Variants in BORCS5 observed in about 807,000 individuals in gnomAD.
The protein encoded by BORCS5 is BLOC-1 related complex subunit 5, also known as BLOC-1-related complex subunit 5.
In BORCS5, 17 loss-of-function variants were observed where a neutral mutation model predicts 22.1. The observed-to-expected ratio is 0.77, with a 90% CI of 0.53 to 1.15. The LOEUF is 1.15. BORCS5 is among the 50% of genes most tolerant of loss of function. The pLI is 0.00. For missense variants in BORCS5, 247 were observed against 253.2 expected (o/e 0.98, Z 0.17); for synonymous variants, 117 against 99.8 (o/e 1.17, Z -1.03).
chr12:12,400,256 T>A (rs1941437956), intron 2 of BORCS5, among the ~76,000 whole-genome samples: 1 of 152,244 alleles, frequency 6.6e-6, no homozygotes, highest in East Asian at 1.9e-4. Context: ...TATCACAGGC[T>A]ATTTCTCTGA....
chr12:12,379,667 G>GT (rs1863734659), intron 2 of BORCS5, among the ~76,000 whole-genome samples: 1 of 151,328 alleles, frequency 6.6e-6, no homozygotes, highest in Non-Finnish European at 1.5e-5. Flanking sequence ...AGACCCAGAA[G>GT]TAGAACCTCT....
intron 2 of BORCS5, among the ~76,000 whole-genome samples, chr12:12,400,803 T>C (rs77035739): frequency 0.022 from 3,392 of 152,334 alleles, 128 homozygotes; most frequent in African/African-American, 0.076. Flanking sequence ...GCATTCATCA[T>C]GCCCATGTGT....
chr12:12,424,880 G>A (rs963115279), intron 2 of BORCS5, among the ~76,000 whole-genome samples: 7 of 152,006 alleles, frequency 4.6e-5, no homozygotes, highest in Admixed American at 2.0e-4. Flanking sequence ...TTTAATGTCC[G>A]GGTCCCAGAG....
chr12:12,413,421 C>A (rs369016959), intron 2 of BORCS5, among the ~76,000 whole-genome samples: 34,181 of 142,552 alleles, frequency 0.24, 5,135 homozygotes, highest in Non-Finnish European at 0.33. Flanking sequence ...CAACAGGATC[C>A]CAAGGCAGAA....
intron 2 of BORCS5, among the ~76,000 whole-genome samples, chr12:12,379,828 C>G (rs1258512734): frequency 6.6e-6 from 1 of 151,416 alleles, no homozygotes; most frequent in Non-Finnish European, 1.5e-5. Context: ...CCTTTAAGAA[C>G]TTGTCCTTTG....
At chr12:12,415,331 G>C (rs1428653563) in intron 2 of BORCS5, among the ~76,000 whole-genome samples, 1 of 150,686 alleles carries the variant, frequency 6.6e-6, no homozygotes, top group Non-Finnish European at 1.5e-5. Flanking sequence ...CGGATCACTC[G>C]CGGTTAGGAG....
chr12:12,457,392 G>A (rs1234408366), intron 3 of BORCS5, among the ~76,000 whole-genome samples: 3 of 152,334 alleles, frequency 2.0e-5, no homozygotes, highest in South Asian at 2.1e-4. Context: ...ATGTTTGGCC[G>A]GGCGCGGTGG....
intron 2 of BORCS5, among the ~76,000 whole-genome samples, chr12:12,419,932 A>C (rs1942070414): frequency 6.6e-6 from 1 of 151,954 alleles, no homozygotes; most frequent in Non-Finnish European, 1.5e-5. Context: ...TTCTTTGTAG[A>C]TTTTGGACAT....
Position 12,435,619 on chromosome 12 carries a change from C to G in BORCS5, c.203-9C>G, listed in dbSNP as rs202154100. On this transcript the variant is annotated splice_polypyrimidine_tract_variant and intron_variant, in intron 2 of 3. Coordinates refer to ENST00000314565, the MANE Select transcript of BORCS5 (RefSeq NM_058169.6). ...TTTTAATTTCATTTCATTTTTTTCT[C>G]CTTTGAAGGGCTATTGAGTGGCCAG... The G allele has an allele frequency of 2.9e-5, 46 of 1,598,086 alleles. No homozygotes were observed. The highest frequency in any genetic ancestry group is 3.6e-5 in the Non-Finnish European group (42 of 1,173,470).
intron 2 of BORCS5, among the ~76,000 whole-genome samples, chr12:12,385,331 G>A (rs1369111052): frequency 6.6e-6 from 1 of 151,348 alleles, no homozygotes; most frequent in Non-Finnish European, 1.5e-5. Context: ...TGATGACACC[G>A]CTGGATGTGG....
intron 2 of BORCS5, among the ~76,000 whole-genome samples, chr12:12,366,260 C>T (rs992670409): frequency 3.9e-5 from 6 of 152,162 alleles, no homozygotes; most frequent in Non-Finnish European, 5.9e-5. Context: ...ACACAGAGTT[C>T]ACTATTGTTT....
intron 2 of BORCS5, among the ~76,000 whole-genome samples, chr12:12,421,303 A>T (rs1048659615): frequency 6.6e-6 from 1 of 152,156 alleles, no homozygotes; most frequent in Non-Finnish European, 1.5e-5. Context: ...ATCTATTGAG[A>T]TAATCATGTG....
intron 3 of BORCS5, among the ~76,000 whole-genome samples, chr12:12,448,150 G>A (rs774095908): frequency 1.3e-5 from 2 of 152,166 alleles, no homozygotes. Flanking sequence ...GTCCACCTTC[G>A]AAACTCTAAA....
Position 12,385,772 on chromosome 12 carries a change from T to C in BORCS5, c.202+24423T>C, listed in dbSNP as rs568324638. Among the ~76,000 whole-genome samples, 53 of 151,384 alleles carry C rather than the reference T, an allele frequency of 3.5e-4. 2 individuals are homozygous for C. Among genetic ancestry groups the C allele is most frequent in the African/African-American group, 9.4e-4 (39 of 41,280 alleles). On this transcript the variant is annotated intron_variant, in intron 2 of 3. Transcript: ENST00000314565. ...ATCCGCCTGCCTCGGCCTCCCCAAG[T>C]GTTGGGATTACAGGCGTGAGCCGCC...
At chr12:12,399,334 T>G (rs942449712) in intron 2 of BORCS5, among the ~76,000 whole-genome samples, 2 of 151,676 alleles carry the variant, frequency 1.3e-5, no homozygotes, top group African/African-American at 4.8e-5. Flanking sequence ...TGCAAAAGGG[T>G]TTCTTACGTA....
At chr12:12,374,628 C>G (rs564290445) in intron 2 of BORCS5, among the ~76,000 whole-genome samples, 1 of 150,008 alleles carries the variant, frequency 6.7e-6, no homozygotes, top group Non-Finnish European at 1.5e-5. Context: ...GACCCTGTCT[C>G]AAATAAAATA....
chr12:12,441,701 G>C (rs550619129), intron 3 of BORCS5, among the ~76,000 whole-genome samples: 108 of 141,866 alleles, frequency 7.6e-4, no homozygotes, highest in African/African-American at 2.8e-3. Context: ...GCACTAAATA[G>C]AGGCAAGGCA....
chr12:12,414,454 C>T lies in BORCS5; in HGVS notation c.203-21174C>T, dbSNP rs1326848054. 8.9e-5 allele frequency among the ~76,000 whole-genome samples: 8 copies of T among 89,552 alleles called. 1 individual carries two copies. Among genetic ancestry groups the T allele is most frequent in the Non-Finnish European group, 1.7e-4 (7 of 40,652 alleles). The allele number at this position is 89,552 out of a possible 152,430, so 58.7% of individuals were successfully genotyped here. Reference sequence around the variant, plus strand: ...GGGGCTGACCCCCCCACCTCCCTCCCGGACGGGGCGGCTGGCTGGGCAGAG... The same window carrying T: ...GGGGCTGACCCCCCCACCTCCCTCCTGGACGGGGCGGCTGGCTGGGCAGAG... On this transcript the variant is annotated intron_variant, in intron 2 of 3. Transcript: ENST00000314565.
intron 3 of BORCS5, among the ~76,000 whole-genome samples, chr12:12,439,822 G>A (rs1942645587): frequency 6.6e-6 from 1 of 152,160 alleles, no homozygotes; most frequent in African/African-American, 2.4e-5. Flanking sequence ...TCTTATCTCT[G>A]TTGGTGAGTG....
Sources: allele counts gnomAD v4.1 joint callset (sites outside exome capture counted in the v4.1 genomes callset), GRCh38; gene constraint gnomAD v4.1.1; transcripts MANE v1.5; gene names NCBI Gene and HGNC (gene_info 2026-07-23, HGNC 2026-07-21).